GTF3C1: variants seen among roughly 807,000 people sequenced by gnomAD.
The protein encoded by GTF3C1 is general transcription factor IIIC subunit 1.
Under a neutral mutation model 226.7 loss-of-function variants are expected in GTF3C1, and 57 were observed. The ratio of observed to expected loss-of-function variants is 0.25; its 90% CI spans 0.20 to 0.31. GTF3C1 has a LOEUF of 0.31. Ranked by LOEUF, GTF3C1 falls within the 10% of genes least tolerant of loss-of-function variation. GTF3C1 has a pLI of 1.00. For synonymous variants in GTF3C1, 1,090 were observed against 1,084.8 expected (o/e 1.00, Z -0.09); for missense variants, 2,217 against 2,776.1 (o/e 0.80, Z 4.53).
Position 27,498,746 on chromosome 16 carries a change from G to A in GTF3C1, c.2062-13C>T. On this transcript the variant is annotated splice_polypyrimidine_tract_variant and intron_variant, in intron 12 of 36. Coordinates refer to ENST00000356183, the MANE Select transcript of GTF3C1 (RefSeq NM_001520.4). ...CCACCAGATCCACCTGGAGAGAGAG[G>A]TTGGAGCATCCCACAGGGTGAGGGA... 2.2e-6 allele frequency: 3 copies of A among 1,360,008 alleles called. No homozygotes were observed. The highest frequency in any genetic ancestry group is 3.2e-6 in the Non-Finnish European group (3 of 948,076). The allele number at this position is 1,360,008 out of a possible 1,614,324, so 84.2% of individuals were successfully genotyped here. A position where few individuals can be genotyped will look rare whatever the true frequency, so the allele number is the denominator to read the frequency against.
chr16:27,496,789 G>A (rs2088324876), intron 14 of GTF3C1, among the ~76,000 whole-genome samples: 1 of 152,234 alleles, frequency 6.6e-6, no homozygotes, highest in African/African-American at 2.4e-5. Flanking sequence ...TGATGGCTGT[G>A]AGAGGAGGTA....
At position 27,463,693 on chromosome 16, in the gene GTF3C1, G is replaced by A. The variant is rs910504419; in HGVS notation, c.5873-101C>T. On this transcript the variant is annotated intron_variant, in intron 34 of 36. Transcript: ENST00000356183. The surrounding 1 kb of genome is among the most constrained non-coding windows in gnomAD (Gnocchi z 4.9). Reference sequence around the variant, plus strand: ...GTACCTAGCATGAGCAGGGCACCTCGAGGCTCAGGGGATGAAGTGTCAAAA... The same window carrying A: ...GTACCTAGCATGAGCAGGGCACCTCAAGGCTCAGGGGATGAAGTGTCAAAA... 1.8e-5 allele frequency: 14 copies of A among 771,326 alleles called. No homozygotes were observed. The highest frequency in any genetic ancestry group is 3.1e-5 in the Non-Finnish European group (13 of 422,490). 47.8% of individuals were successfully genotyped at this position (771,326 alleles called of 1,614,324 possible).
At chr16:27,485,757 T>C (rs1216133631) in intron 24 of GTF3C1, among the ~76,000 whole-genome samples, 1 of 152,182 alleles carries the variant, frequency 6.6e-6, no homozygotes, top group Non-Finnish European at 1.5e-5. Flanking sequence ...TGGGATCACT[T>C]GAGGCCAGGT....
chr16:27,464,653 G>T lies in GTF3C1; in HGVS notation c.5539C>A (p.Pro1847Thr), dbSNP rs374226840. 3 of 1,526,336 alleles carry T rather than the reference G, an allele frequency of 2.0e-6. No individual in the cohort carries two copies. The highest frequency in any genetic ancestry group is 1.4e-5 in the African/African-American group (1 of 71,172). The allele number at this position is 1,526,336 out of a possible 1,614,324, so 94.5% of individuals were successfully genotyped here. A position where few individuals can be genotyped will look rare whatever the true frequency, so the allele number is the denominator to read the frequency against. Residue 1847 changes from proline to threonine, a missense_variant, in exon 34 of 37, where the codon CCC becomes ACC. Around this residue, in one of 12 missense-constraint regions of GTF3C1, gnomAD observed 455 missense variants for 441.9 expected, o/e 1.03. Transcript: ENST00000356183. ...TGAGAAGGAGGTGCCTGCCCCTCGGGGGGGCTGTCCTCACTGGAAGACCCC... is the reference window on the plus strand; with the variant it reads ...TGAGAAGGAGGTGCCTGCCCCTCGGTGGGGCTGTCCTCACTGGAAGACCCC... ...LEGSSSEDSP[P>T]EGQAPPSHSP...
In GTF3C1 at chr16:27,461,364, A is replaced by G. The variant is rs746897487; in HGVS notation, c.6316T>C (p.Trp2106Arg). The change falls in exon 37 of 37, where the codon TGG (tryptophan) becomes CGG (arginine). Residue 2106 changes from tryptophan to arginine, a missense_variant. Trp to Arg is a moderately radical substitution (Grantham distance 101). This residue lies in a region of GTF3C1 where 153 missense variants were observed against 199.8 expected (regional missense o/e 0.77). Coordinates refer to ENST00000356183, the MANE Select transcript of GTF3C1 (RefSeq NM_001520.4). The surrounding 1 kb of genome is among the most constrained non-coding windows in gnomAD (Gnocchi z 5.3). ...VFPHEVNWNK[W>R]IHL ...CCACAGGGGTCCTAGAGGTGGATCC[A>G]CTTGTTCCAGTTGACCTCGTGGGGG... 1.9e-6 allele frequency: 3 copies of G among 1,610,532 alleles called. No individual in the cohort carries two copies. The highest frequency in any genetic ancestry group is 2.7e-5 in the African/African-American group (2 of 74,832).
At chr16:27,478,607 G>A in intron 27 of GTF3C1, 76 bp from the exon 28 acceptor site, 1 of 994,596 alleles carries the variant, frequency 1.0e-6, no homozygotes, top group Non-Finnish European at 1.6e-6. Flanking sequence ...GGCTCAAGAT[G>A]GCCATTTATT....
Position 27,476,540 on chromosome 16 carries a change from C to A in GTF3C1, c.4264G>T (p.Asp1422Tyr). ...TRKEDELNSV[D>Y]DIHFLVLQNL... is the part of the protein sequence containing the mutation. The stretch of plus-strand genomic sequence containing the variant: ...TGAAGCACCAGAAAGTGGATGTCAT[C>A]CACGCTGAAAGAGAGGGGGCAGCAG... Residue 1422 changes from aspartate to tyrosine, a missense_variant, in exon 29 of 37, where the codon GAT (aspartate) becomes TAT (tyrosine). By Grantham distance (160) the Asp-to-Tyr change is radical. This residue lies in a region of GTF3C1 where 546 missense variants were observed against 663.0 expected (regional missense o/e 0.82). Transcript: ENST00000356183. The A allele has an allele frequency of 6.2e-7, 1 of 1,601,040 alleles. No homozygotes were observed. The highest frequency in any genetic ancestry group is 8.6e-7 in the Non-Finnish European group (1 of 1,168,574).
At position 27,549,843 on chromosome 16, in the gene GTF3C1, G is replaced by A. The variant is rs758661203; in HGVS notation, c.48C>T (p.Leu16=). Residue 16 remains leucine, a synonymous_variant, in exon 1 of 37, where the codon CTC becomes CTT. Transcript: ENST00000356183. ...ACAGCGCTGGCAGACACAGGCCATCGAGCCCCTCCAGAGCGACTTCGTCCA... is the reference window on the plus strand; with the variant it reads ...ACAGCGCTGGCAGACACAGGCCATCAAGCCCCTCCAGAGCGACTTCGTCCA... ...SLLDEVALEG[L]DGLCLPALWS... The A allele has an allele frequency of 1.2e-6, 2 of 1,613,078 alleles. No individual in the cohort carries two copies. The highest frequency in any genetic ancestry group is 1.7e-5 in the Admixed American group (1 of 60,024).
At position 27,511,729 on chromosome 16, in the gene GTF3C1, G is replaced by A; in HGVS notation, c.1126+20C>T. ...AATTCTCGGGATCCATATCCAAGCT[G>A]GCATGGGAACAAGACTTACTGAGGT... is the stretch of plus-strand genomic sequence containing the variant. On this transcript the variant is annotated intron_variant, in intron 7 of 36. Transcript: ENST00000356183. The A allele has an allele frequency of 6.2e-7, 1 of 1,611,638 alleles. No homozygotes were observed. The highest frequency in any genetic ancestry group is 8.5e-7 in the Non-Finnish European group (1 of 1,178,290).
chr16:27,496,793 G>A (rs1167609937), intron 14 of GTF3C1, among the ~76,000 whole-genome samples: 1 of 152,250 alleles, frequency 6.6e-6, no homozygotes, highest in Non-Finnish European at 1.5e-5. Flanking sequence ...GGCTGTGAGA[G>A]GAGGTAGGCA....
intron 23 of GTF3C1, among the ~76,000 whole-genome samples, chr16:27,487,209 A>G (rs2088154174): frequency 6.6e-6 from 1 of 152,240 alleles, no homozygotes. Flanking sequence ...CATATCTACG[A>G]CAGGCGAAAC....
In GTF3C1 at chr16:27,462,662, G is replaced by T. The variant is rs780780261; in HGVS notation, c.5925-176C>A. ...GCTTCTCTCCTGTCTGGACAGAGGG[G>T]CCCTTGACCGCCAGCTGGGTGGAAC... On this transcript the variant is annotated intron_variant, in intron 35 of 36. Transcript: ENST00000356183. The surrounding 1 kb of genome is among the most constrained non-coding windows in gnomAD (Gnocchi z 4.5). 53 of 582,846 alleles carry T rather than the reference G, an allele frequency of 9.1e-5. No homozygotes were observed. Among genetic ancestry groups the T allele is most frequent in the Non-Finnish European group, 1.6e-4 (51 of 326,846 alleles). 36.1% of individuals were successfully genotyped at this position (582,846 alleles called of 1,614,324 possible). A position where few individuals can be genotyped will look rare whatever the true frequency, so the allele number is the denominator to read the frequency against.
intron 5 of GTF3C1, among the ~76,000 whole-genome samples, chr16:27,530,774 A>ACTGT (rs1356529592): frequency 6.6e-6 from 1 of 152,154 alleles, no homozygotes; most frequent in Non-Finnish European, 1.5e-5. Flanking sequence ...GGGGCCAGGC[A>ACTGT]CTGTCTTCAT....
intron 26 of GTF3C1, 145 bp downstream of exon 26, chr16:27,482,899 T>C (rs1474594506): frequency 4.5e-6 from 3 of 671,788 alleles, no homozygotes; most frequent in African/African-American, 3.6e-5. Flanking sequence ...ACCAGAGAGC[T>C]GACTCGGTGA....
At chr16:27,539,150 T>C (rs2141456344) in intron 2 of GTF3C1, among the ~76,000 whole-genome samples, 1 of 152,120 alleles carries the variant, frequency 6.6e-6, no homozygotes, top group East Asian at 1.9e-4. Flanking sequence ...TGTATATTTG[T>C]TAAGTAAATG....
intron 23 of GTF3C1, among the ~76,000 whole-genome samples, chr16:27,487,114 G>T (rs2088151784): frequency 6.6e-6 from 1 of 152,208 alleles, no homozygotes; most frequent in East Asian, 1.9e-4. Context: ...GAAGAAAAGT[G>T]GGGAAAGGAA....
Position 27,461,903 on chromosome 16 carries a change from T to C in GTF3C1, c.6118-341A>G. ...GGGTTTTGTTTGGCTCATGGGGAAT[T>C]TGACACTCAACTTCAAGCTCCTAGC... On this transcript the variant is annotated intron_variant, in intron 36 of 36. Transcript: ENST00000356183. This position sits in a 1 kb window ranked among gnomAD's most constrained non-coding sequence, Gnocchi z 5.3. The C allele has an allele frequency of 5.1e-6, 2 of 389,936 alleles. No individual in the cohort carries two copies. The highest frequency in any genetic ancestry group is 9.4e-6 in the Non-Finnish European group (2 of 212,838). The allele number at this position is 389,936 out of a possible 1,614,324, so 24.2% of individuals were successfully genotyped here. A position where few individuals can be genotyped will look rare whatever the true frequency, so the allele number is the denominator to read the frequency against.
At chr16:27,496,019 G>C (rs2088310993) in intron 14 of GTF3C1, among the ~76,000 whole-genome samples, 1 of 152,252 alleles carries the variant, frequency 6.6e-6, no homozygotes, top group South Asian at 2.1e-4. Context: ...TGCTGGTGGT[G>C]GGGCCAGGTG....
intron 24 of GTF3C1, among the ~76,000 whole-genome samples, 200 bp from the exon 25 acceptor site, chr16:27,484,553 C>T (rs986516056): frequency 3.9e-5 from 6 of 152,178 alleles, no homozygotes; most frequent in South Asian, 2.1e-4. Context: ...AAGTATAGGA[C>T]GAGGCCTCAG....
Sources: gnomAD v4.1 joint callset for allele counts (sites outside exome capture counted in the v4.1 genomes callset) on GRCh38, gnomAD v4.1.1 for gene constraint, gnomAD v4.1.1 regional missense constraint, Gnocchi (gnomAD v3.1) non-coding constraint, MANE v1.5 for transcripts, NCBI Gene and HGNC (gene_info 2026-07-23, HGNC 2026-07-21) for gene names.